THRAP3: variants seen among roughly 807,000 people sequenced by gnomAD.
THRAP3 encodes the protein thyroid hormone receptor-associated protein 3.
In THRAP3, 16 loss-of-function variants were observed where a neutral mutation model predicts 101.0. That is an observed-to-expected ratio of 0.16 (90% CI 0.11 to 0.24). The LOEUF is 0.24. Ranked by LOEUF, THRAP3 falls within the 10% of genes least tolerant of loss-of-function variation. The probability of loss-of-function intolerance (pLI) is 1.00; values close to 1 mark genes in which losing one functional copy is unlikely to be tolerated. For synonymous variants in THRAP3, 407 were observed against 422.6 expected, an observed-to-expected ratio of 0.96 and a Z score of 0.45; for missense variants, 989 against 1,202.7, an observed-to-expected ratio of 0.82 and a Z score of 2.63.
In THRAP3 at chr1:36,295,579, T is replaced by TC. The variant is rs1557456523; in HGVS notation, c.2116-1002dup. Among the ~76,000 whole-genome samples, 1,200 of 141,922 alleles carry TC rather than the reference T, an allele frequency of 8.5e-3. 15 individuals carry two copies. The highest frequency in any genetic ancestry group is 0.031 in the African/African-American group (1,153 of 37,110). The allele number at this position is 141,922 out of a possible 152,430, so 93.1% of individuals were successfully genotyped here. A position where few individuals can be genotyped will look rare whatever the true frequency, so the allele number is the denominator to read the frequency against. The stretch of plus-strand genomic sequence containing the variant: ...TTCCTTCCTTCCTTCCTTCCTTCCC[T>TC]CCTCCCTTCCTTCCTCCCTCCCTTC... On this transcript the variant is annotated intron_variant, in intron 8 of 11. Transcript: ENST00000354618.
chr1:36,254,267 A>AT (rs1300634544), intron 1 of THRAP3, among the ~76,000 whole-genome samples: 3 of 152,182 alleles, frequency 2.0e-5, no homozygotes, highest in African/African-American at 7.2e-5. Flanking sequence ...CTCCACAGAT[A>AT]TTTTTTACCG....
the THRAP3 span, among the ~76,000 whole-genome samples, chr1:36,214,121 T>C: frequency 6.6e-6 from 1 of 152,218 alleles, no homozygotes; most frequent in Non-Finnish European, 1.5e-5. Context: ...ATGACACACC[T>C]ACTGCTGTCA....
At chr1:36,218,969 G>A in the THRAP3 span, among the ~76,000 whole-genome samples, 1 of 149,930 alleles carries the variant, frequency 6.7e-6, no homozygotes, top group Non-Finnish European at 1.5e-5. Context: ...GGAGGTGGAG[G>A]TGGCAGTGAG....
chr1:36,266,176 C>T (rs898988589), intron 2 of THRAP3, among the ~76,000 whole-genome samples: 2 of 121,426 alleles, frequency 1.6e-5, no homozygotes, highest in African/African-American at 5.7e-5. Context: ...AAAAAAAAAG[C>T]CAAGCATTGT....
chr1:36,244,722 G>A (rs931099819), intron 1 of THRAP3, among the ~76,000 whole-genome samples: 9 of 142,144 alleles, frequency 6.3e-5, no homozygotes, highest in Non-Finnish European at 1.2e-4. Context: ...TTACTTGTGG[G>A]TTTTTTTTTT....
chr1:36,242,847 GAA>G (rs1342166542), intron 1 of THRAP3, among the ~76,000 whole-genome samples: 1 of 152,018 alleles, frequency 6.6e-6, no homozygotes, highest in African/African-American at 2.4e-5. Context: ...TCCTCACCCT[GAA>G]TTCATACAGA....
chr1:36,292,592 C>A lies in THRAP3; in HGVS notation c.1919-6C>A. On this transcript the variant is annotated splice_region_variant and splice_polypyrimidine_tract_variant and intron_variant, in intron 6 of 11. Transcript: ENST00000354618. ...GCCCATAATGTGTTTCTTTTAATCC[C>A]AACAGAGCATCACTTTGGGTCCTCA... is the stretch of plus-strand genomic sequence containing the variant. The A allele has an allele frequency of 1.2e-6, 2 of 1,610,192 alleles. No individual in the cohort carries two copies. Among genetic ancestry groups the A allele is most frequent in the Non-Finnish European group, 1.7e-6 (2 of 1,177,482 alleles).
chr1:36,210,365 CAAAA>C, the THRAP3 span, among the ~76,000 whole-genome samples: 1 of 49,594 alleles, frequency 2.0e-5, no homozygotes. Flanking sequence ...GACTCCATCT[CAAAA>C]AAAAAAAAAA....
At position 36,252,927 on chromosome 1, in the gene THRAP3, CATATATATATATATATATATATAT is replaced by C. The variant is rs71053916; in HGVS notation, c.-134-6435_-134-6412del. On this transcript the variant is annotated intron_variant, in intron 1 of 11. Coordinates refer to ENST00000354618, the MANE Select transcript of THRAP3 (RefSeq NM_005119.4). ...GTCTCAAAAAATATATATAGATAGG[CATATATATATATATATATATATAT>C]ATATATATATATATATATAAATGTA... Among the ~76,000 whole-genome samples the C allele has an allele frequency of 1.1e-3, 81 of 76,564 alleles. No homozygotes were observed. The East Asian group carries it at 0.011, about 10-fold the overall frequency. The allele number at this position is 76,564 out of a possible 152,430, so 50.2% of individuals were successfully genotyped here.
At chr1:36,287,296 G>A (rs548216042) in intron 4 of THRAP3, 26 bp downstream of exon 4, 2 of 1,559,744 alleles carry the variant, frequency 1.3e-6, no homozygotes, top group South Asian at 1.2e-5. Flanking sequence ...CCCCTGCCTG[G>A]TTGTGTTTTT....
chr1:36,233,736 A>G (rs1645054696), intron 1 of THRAP3, among the ~76,000 whole-genome samples: 1 of 152,122 alleles, frequency 6.6e-6, no homozygotes, highest in South Asian at 2.1e-4. Context: ...ACTGCACTCT[A>G]GCCTGGGTGA....
At chr1:36,243,478 G>T (rs533804156) in intron 1 of THRAP3, among the ~76,000 whole-genome samples, 1 of 152,156 alleles carries the variant, frequency 6.6e-6, no homozygotes, top group African/African-American at 2.4e-5. Context: ...ACCCTGAGTG[G>T]ATACAGCACA....
intron 2 of THRAP3, among the ~76,000 whole-genome samples, chr1:36,264,867 C>G (rs1645492786): frequency 6.6e-6 from 1 of 152,110 alleles, no homozygotes; most frequent in Non-Finnish European, 1.5e-5. Context: ...AACAGCAGTT[C>G]TATTGTCTCA....
In THRAP3 at chr1:36,286,764, G is replaced by A. The variant is rs1349881099; in HGVS notation, c.534G>A (p.Lys178=). 1.2e-6 allele frequency: 2 copies of A among 1,614,196 alleles called. No individual in the cohort carries two copies. Among genetic ancestry groups the A allele is most frequent in the Non-Finnish European group, 1.7e-6 (2 of 1,180,040 alleles). Residue 178 remains lysine, a synonymous_variant, in exon 4 of 12, where the codon AAG becomes AAA. Coordinates refer to ENST00000354618, the MANE Select transcript of THRAP3 (RefSeq NM_005119.4). This position sits in a 1 kb window ranked among gnomAD's most constrained non-coding sequence, Gnocchi z 5.5. The part of the protein sequence containing the change: ...RVESSKRKSA[K]EKKSSSKDSR... ...AATCTTCTAAGCGCAAGTCTGCAAA[G>A]GAGAAAAAGTCCTCTTCTAAGGATA... is the stretch of plus-strand genomic sequence containing the variant.
chr1:36,248,932 C>G lies in THRAP3; in HGVS notation c.-134-10450C>G, dbSNP rs564081199. Among the ~76,000 whole-genome samples, 6 of 150,874 alleles carry G rather than the reference C, an allele frequency of 4.0e-5. 1 individual carries two copies. The South Asian group carries it at 1.0e-3, about 26-fold the overall frequency. ...TTTTTTTTTTGGAGACAGTGTCTTG[C>G]TCTGTTTCCCAGGCTGGAGTGCAGT... is the stretch of plus-strand genomic sequence containing the variant. On this transcript the variant is annotated intron_variant, in intron 1 of 11. Transcript: ENST00000354618.
chr1:36,278,402 T>A (rs1645689170), intron 2 of THRAP3, among the ~76,000 whole-genome samples: 2 of 152,132 alleles, frequency 1.3e-5, no homozygotes, highest in Non-Finnish European at 2.9e-5. Context: ...AGGATAAATT[T>A]TTTTAAACAC....
intron 3 of THRAP3, among the ~76,000 whole-genome samples, chr1:36,284,652 C>G (rs1404510308): frequency 6.6e-6 from 1 of 152,210 alleles, no homozygotes; most frequent in Non-Finnish European, 1.5e-5. Context: ...TAAATAACTT[C>G]ATTTGCAATC....
chr1:36,241,192 CAAAAAAA>C (rs35954224), intron 1 of THRAP3, among the ~76,000 whole-genome samples: 1,408 of 123,276 alleles, frequency 0.011, 21 homozygotes, highest in African/African-American at 0.042. Flanking sequence ...GACTCCGTTT[CAAAAAAA>C]AAAAAAAAAA....
At chr1:36,238,678 T>G (rs1483960737) in intron 1 of THRAP3, among the ~76,000 whole-genome samples, 2 of 152,138 alleles carry the variant, frequency 1.3e-5, no homozygotes, top group Non-Finnish European at 2.9e-5. Context: ...GAAGATTTAG[T>G]GTAATGAGTG....
Sources: allele counts gnomAD v4.1 joint callset (sites outside exome capture counted in the v4.1 genomes callset), GRCh38; gene constraint gnomAD v4.1.1; non-coding constraint Gnocchi (gnomAD v3.1); transcripts MANE v1.5; gene names NCBI Gene and HGNC (gene_info 2026-07-23, HGNC 2026-07-21).